MAMDC4: variants seen among roughly 807,000 people sequenced by gnomAD.
The protein encoded by MAMDC4 is MAM domain containing 4.
A neutral mutation model predicts 153.3 loss-of-function variants in MAMDC4; 168 were observed. The ratio of observed to expected loss-of-function variants is 1.10; its 90% CI spans 0.97 to 1.25. MAMDC4 has a LOEUF of 1.25. Ranked by LOEUF, MAMDC4 falls within the 50% of genes most tolerant of loss-of-function variation. MAMDC4 has a pLI of 0.00. For synonymous variants in MAMDC4, 744 were observed against 651.5 expected (o/e 1.14, Z -2.16); for missense variants, 1,701 against 1,542.8 (o/e 1.10, Z -1.72).
Position 136,854,068 on chromosome 9 carries a change from G to A in MAMDC4, c.662G>A (p.Gly221Asp). ...ALDDLEFWDC[G>D]LPTPQANCPP... ...GATGACCTAGAGTTCTGGGACTGTG[G>A]TCTGCCCAGTAAGGCACCGCCTCTT... The change falls in exon 6 of 27, where the codon GGT becomes GAT. Residue 221 changes from glycine to aspartate, a missense_variant. Coordinates refer to ENST00000317446, the MANE Select transcript of MAMDC4 (RefSeq NM_206920.3). The A allele has an allele frequency of 6.2e-7, 1 of 1,612,748 alleles. No individual in the cohort carries two copies. Among genetic ancestry groups the A allele is most frequent in the Non-Finnish European group, 8.5e-7 (1 of 1,179,924 alleles).
Position 136,859,149 on chromosome 9 carries a change from G to C in MAMDC4, c.3084+17G>C. ...GAGTTCCAGGTGAGGCTGGCTGTGG[G>C]CAAGGAGCCTCCTCCTCCTCCACCC... On this transcript the variant is annotated intron_variant, in intron 24 of 26. Transcript: ENST00000317446. 2 of 1,581,024 alleles carry C rather than the reference G, an allele frequency of 1.3e-6. No homozygotes were observed. Among genetic ancestry groups the C allele is most frequent in the Non-Finnish European group, 8.6e-7 (1 of 1,162,166 alleles).
chr9:136,858,226 A>G lies in MAMDC4; in HGVS notation c.2624A>G (p.Tyr875Cys), dbSNP rs1849035846. ...GTGGCCGCAGGCGTGGCACACTCCTACGTGGCTCTGGATGATCTGCTCCTC... is the reference window on the plus strand; with the variant it reads ...GTGGCCGCAGGCGTGGCACACTCCTGCGTGGCTCTGGATGATCTGCTCCTC... Reference protein sequence around the residue: ...EAVAAGVAHSYVALDDLLLQD... With the variant: ...EAVAAGVAHSCVALDDLLLQD... Residue 875 changes from tyrosine to cysteine, a missense_variant, in exon 21 of 27, where the codon TAC becomes TGC. Coordinates refer to ENST00000317446, the MANE Select transcript of MAMDC4 (RefSeq NM_206920.3). 5.0e-6 allele frequency: 8 copies of G among 1,600,682 alleles called. No homozygotes were observed. In the African/African-American group the frequency reaches 5.4e-5, roughly 11 times the overall value.
At chr9:136,856,527 G>A (rs79023927) in intron 14 of MAMDC4, 183 bp from the exon 15 acceptor site, 7 of 795,458 alleles carry the variant, frequency 8.8e-6, no homozygotes, top group Non-Finnish European at 1.4e-5. Flanking sequence ...GGTGGACAAC[G>A]TGACCCTGAG....
chr9:136,859,839 GA>G, intron 25 of MAMDC4, 46 bp from the exon 26 acceptor site: 1 of 1,599,482 alleles, frequency 6.3e-7, no homozygotes, highest in Non-Finnish European at 8.5e-7. Flanking sequence ...CTTAGCCCCA[GA>G]TGTGGGGGCT....
rs773909667 is a variant in MAMDC4 at position 136,857,701 on chromosome 9, G to C, written c.2369G>C (p.Arg790Pro). 7.4e-6 allele frequency: 12 copies of C among 1,612,502 alleles called. No homozygotes were observed. The highest frequency in any genetic ancestry group is 3.3e-4 in the Middle Eastern group (2 of 6,084). Residue 790 changes from arginine (R) to proline (P), a missense_variant, in exon 19 of 27, where the codon CGG (arginine) becomes CCG (proline). Physicochemically the swap from Arg to Pro is moderately radical, Grantham distance 103. Coordinates refer to ENST00000317446, the MANE Select transcript of MAMDC4 (RefSeq NM_206920.3). ...VVDTSPDALP[R>P]GQTASLTSKE... ...GACACAAGCCCAGACGCACTACCCC[G>C]GGGCCAGACGGCCTCCCTGACCTCC... is the stretch of plus-strand genomic sequence containing the variant.
rs200886894 is a variant in MAMDC4, at chr9:136,858,514, C to T, written c.2789C>T (p.Pro930Leu). 40 of 1,598,006 alleles carry T rather than the reference C, an allele frequency of 2.5e-5. No homozygotes were observed. Among genetic ancestry groups the T allele is most frequent in the Non-Finnish European group, 2.9e-5 (34 of 1,173,410 alleles). Reference sequence around the variant, plus strand: ...GCCACCCCCTCTCGTTACCCCCAGCCCCCTGTGGACCACACCCTGGGCACA... The same window carrying T: ...GCCACCCCCTCTCGTTACCCCCAGCTCCCTGTGGACCACACCCTGGGCACA... ...GGATPSRYPQPPVDHTLGTEA... is the reference protein window; with the variant it reads ...GGATPSRYPQLPVDHTLGTEA... Residue 930 changes from proline to leucine, a missense_variant, in exon 22 of 27, where the codon CCC becomes CTC. Coordinates refer to ENST00000317446, the MANE Select transcript of MAMDC4 (RefSeq NM_206920.3).
rs1371247531 is a variant in MAMDC4, at chr9:136,857,244, G to C, written c.2052G>C (p.Trp684Cys). The change falls in exon 17 of 27, where the codon TGG (tryptophan) becomes TGC (cysteine). Residue 684 changes from tryptophan to cysteine, a missense_variant. Coordinates refer to ENST00000317446, the MANE Select transcript of MAMDC4 (RefSeq NM_206920.3). ...GGTCAGGCACCCAGGGCAACCGCTG[G>C]CACGAGGCCTGGGCCACCCTTTCCC... ...WSRSGTQGNR[W>C]HEAWATLSHQ... The C allele has an allele frequency of 1.9e-6, 3 of 1,606,646 alleles. No individual in the cohort carries two copies. Among genetic ancestry groups the C allele is most frequent in the East Asian group, 2.2e-5 (1 of 44,586 alleles).
In MAMDC4 at chr9:136,855,459, TGGGCCCC is replaced by T. The variant is rs1564386558; in HGVS notation, c.1319_1325del (p.Arg440GlnfsTer101). 2 of 1,609,044 alleles carry T rather than the reference TGGGCCCC, an allele frequency of 1.2e-6. No individual in the cohort carries two copies. The highest frequency in any genetic ancestry group is 3.3e-5 in the Admixed American group (2 of 59,724). Reference sequence around the variant, plus strand: ...TGTCCACCCTGCAGCCGCTGCCTCCTGGGCCCCGGGCCCCAGCCCCCCAGCCCCTGCC... The same window carrying T: ...TGTCCACCCTGCAGCCGCTGCCTCCTGGGCCCCAGCCCCCCAGCCCCTGCC... On this transcript the variant is annotated frameshift_variant, in exon 12 of 27. Transcript: ENST00000317446. LOFTEE classifies it high-confidence loss of function.
Position 136,854,655 on chromosome 9 carries a change from C to G in MAMDC4, c.913C>G (p.His305Asp). The G allele has an allele frequency of 6.2e-7, 1 of 1,610,554 alleles. No homozygotes were observed. Among genetic ancestry groups the G allele is most frequent in the Non-Finnish European group, 8.5e-7 (1 of 1,179,102 alleles). The change falls in exon 8 of 27, where the codon CAC becomes GAC. Residue 305 changes from histidine to aspartate, a missense_variant. Physicochemically the swap from His to Asp is moderately conservative, Grantham distance 81 (BLOSUM62 -1). Transcript: ENST00000317446. Reference sequence around the variant, plus strand: ...GCGCCCCTCCTGGCCACGCCGTGACCACAGCCGGAACAGTGCACAGGGTGA... The same window carrying G: ...GCGCCCCTCCTGGCCACGCCGTGACGACAGCCGGAACAGTGCACAGGGTGA... ...PERPSWPRRD[H>D]SRNSAQGSFL...
At chr9:136,858,626 C>T (rs1479191924) in intron 22 of MAMDC4, 80 bp downstream of exon 22, 5 of 1,592,096 alleles carry the variant, frequency 3.1e-6, no homozygotes, top group African/African-American at 1.4e-5. Flanking sequence ...GTACATGCCC[C>T]ATCCAGAGGA....
Position 136,853,448 on chromosome 9 carries a change from C to A in MAMDC4, c.318C>A (p.Gly106=), listed in dbSNP as rs201575017. The change falls in exon 3 of 27, where the codon GGC becomes GGA. Residue 106 remains glycine, a synonymous_variant. Transcript: ENST00000317446. ...GGCCTCACTCAGACCACACACTGGG[C>A]ACCGACTTGGGTGAGGCCAGGGCAA... ...GPGPHSDHTL[G]TDLGWYMAVG... 5 of 1,602,224 alleles carry A rather than the reference C, an allele frequency of 3.1e-6. No homozygotes were observed. Among genetic ancestry groups the A allele is most frequent in the Non-Finnish European group, 4.3e-6 (5 of 1,172,538 alleles).
intron 23 of MAMDC4, 47 bp from the exon 24 acceptor site, chr9:136,858,958 A>G: frequency 4.0e-6 from 6 of 1,514,104 alleles, no homozygotes; most frequent in Non-Finnish European, 5.3e-6. Flanking sequence ...TTAGGCGTGC[A>G]GGAGCCCCAG....
rs1849079765 is a variant in MAMDC4, at chr9:136,860,756, T to G, written c.*153T>G. 1 of 750,010 alleles carries G rather than the reference T, an allele frequency of 1.3e-6. No homozygotes were observed. The highest frequency in any genetic ancestry group is 2.7e-5 in the Admixed American group (1 of 36,834). 46.5% of individuals were successfully genotyped at this position (750,010 alleles called of 1,614,324 possible). A position where few individuals can be genotyped will look rare whatever the true frequency, so the allele number is the denominator to read the frequency against. On this transcript the variant is annotated 3_prime_UTR_variant, in exon 27 of 27. Coordinates refer to ENST00000317446, the MANE Select transcript of MAMDC4 (RefSeq NM_206920.3). ...GGCGTTCCCTGCCCTGTGCTGACTC[T>G]GTTGCTCTGTGAATAAACACCCTGG...
At chr9:136,860,177 C>A in intron 26 of MAMDC4, 113 bp downstream of exon 26, 1 of 1,186,390 alleles carries the variant, frequency 8.4e-7, no homozygotes, top group Non-Finnish European at 1.2e-6. Flanking sequence ...CTGTGCAAGG[C>A]CCATCCTTGC....
chr9:136,854,970 G>A lies in MAMDC4; in HGVS notation c.1057G>A (p.Ala353Thr). The change falls in exon 10 of 27, where the codon GCT (alanine) becomes ACT (threonine). Residue 353 changes from alanine (A) to threonine (T), a missense_variant. Ala to Thr is a moderately conservative substitution (Grantham distance 58). Transcript: ENST00000317446. Reference protein sequence around the residue: ...VFYQYLSGSEAGCLQLFLQTL... With the variant: ...VFYQYLSGSETGCLQLFLQTL... ...CTATCAGTACCTGAGTGGGTCTGAG[G>A]CTGGCTGCCTCCAGCTGTTCCTGCA... 1.2e-6 allele frequency: 2 copies of A among 1,607,840 alleles called. No homozygotes were observed. Among genetic ancestry groups the A allele is most frequent in the East Asian group, 2.2e-5 (1 of 44,806 alleles).
rs1443960064 is a variant in MAMDC4, at chr9:136,854,792, G to C, written c.965G>C (p.Gly322Ala). 1.2e-6 allele frequency: 2 copies of C among 1,612,692 alleles called. No individual in the cohort carries two copies. Among genetic ancestry groups the C allele is most frequent in the Non-Finnish European group, 1.7e-6 (2 of 1,179,886 alleles). ...GSFLVSVAEP[G>A]TPAILSSPEF... Reference sequence around the variant, plus strand: ...TTCCTGGTCTCCGTGGCCGAGCCTGGCACCCCTGCTATACTCTCCAGCCCC... The same window carrying C: ...TTCCTGGTCTCCGTGGCCGAGCCTGCCACCCCTGCTATACTCTCCAGCCCC... Residue 322 changes from glycine (G) to alanine (A), a missense_variant, in exon 9 of 27, where the codon GGC (glycine) becomes GCC (alanine). By Grantham distance (60) the Gly-to-Ala change is moderately conservative. Transcript: ENST00000317446.
chr9:136,854,825 A>G lies in MAMDC4; in HGVS notation c.998A>G (p.Gln333Arg). The G allele has an allele frequency of 6.2e-7, 1 of 1,612,716 alleles. No homozygotes were observed. Among genetic ancestry groups the G allele is most frequent in the African/African-American group, 1.3e-5 (1 of 75,006 alleles). Reference protein sequence around the residue: ...TPAILSSPEFQASGTSNCSLV... With the variant: ...TPAILSSPEFRASGTSNCSLV... ...GCTATACTCTCCAGCCCCGAATTCCAAGCCTCAGGCACCTCCAACTGCTCG... is the reference window on the plus strand; with the variant it reads ...GCTATACTCTCCAGCCCCGAATTCCGAGCCTCAGGCACCTCCAACTGCTCG... Residue 333 changes from glutamine (Q) to arginine (R), a missense_variant, in exon 9 of 27, where the codon CAA (glutamine) becomes CGA (arginine). Gln to Arg is a conservative substitution (Grantham distance 43, BLOSUM62 1). Coordinates refer to ENST00000317446, the MANE Select transcript of MAMDC4 (RefSeq NM_206920.3).
rs143805848 is a variant in MAMDC4, at chr9:136,857,680, C to G, written c.2348C>G (p.Thr783Arg). The G allele has an allele frequency of 1.9e-6, 3 of 1,612,472 alleles. No individual in the cohort carries two copies. The highest frequency in any genetic ancestry group is 2.5e-6 in the Non-Finnish European group (3 of 1,179,824). Residue 783 changes from threonine to arginine, a missense_variant, in exon 19 of 27, where the codon ACA (threonine) becomes AGA (arginine). By Grantham distance (71) the Thr-to-Arg change is moderately conservative. Coordinates refer to ENST00000317446, the MANE Select transcript of MAMDC4 (RefSeq NM_206920.3). ...TAQGHYMVVD[T>R]SPDALPRGQT... ...CCAGGGCACTACATGGTGGTGGACA[C>G]AAGCCCAGACGCACTACCCCGGGGC...
chr9:136,855,886 G>A, intron 13 of MAMDC4, 38 bp downstream of exon 13: 2 of 1,479,728 alleles, frequency 1.4e-6, no homozygotes, highest in Non-Finnish European at 1.8e-6. Context: ...CCCCGCCCGG[G>A]TGTGAGCAGC....
Sources: allele counts gnomAD v4.1 joint callset, GRCh38; gene constraint gnomAD v4.1.1; transcripts MANE v1.5; gene names NCBI Gene and HGNC (gene_info 2026-07-23, HGNC 2026-07-21).